Variants in RTTN observed in about 807,000 individuals in gnomAD.
RTTN encodes the protein rotatin.
A neutral mutation model predicts 269.2 loss-of-function variants in RTTN; 182 were observed. The ratio of observed to expected loss-of-function variants is 0.68; its 90% confidence interval spans 0.60 to 0.76. The LOEUF (loss-of-function observed/expected upper bound fraction) is 0.76, where lower values mean the gene tolerates loss of function less well. Among genes scored for constraint, RTTN ranks in the 30% least tolerant of loss-of-function variants. The probability of loss-of-function intolerance (pLI) is 0.00; values close to 1 mark genes in which losing one functional copy is unlikely to be tolerated. For missense variants in RTTN, 2,545 were observed against 2,608.6 expected, an observed-to-expected ratio of 0.98 and a Z score of 0.53; for synonymous variants, 1,006 against 963.5, an observed-to-expected ratio of 1.04 and a Z score of -0.82.
At chr18:70,127,279 T>C (rs1342867316) in intron 25 of RTTN, among the ~76,000 whole-genome samples, 4 of 152,194 alleles carry the variant, frequency 2.6e-5, no homozygotes, top group African/African-American at 9.6e-5. Context: ...TAAAATTTTC[T>C]AAGAATAAAT....
chr18:70,012,238 G>C (rs2056401961), intron 46 of RTTN, among the ~76,000 whole-genome samples: 1 of 150,058 alleles, frequency 6.7e-6, no homozygotes, highest in Admixed American at 6.6e-5. Flanking sequence ...ATTAGTTACA[G>C]CACAGTGTCT....
chr18:70,038,702 G>A (rs76033541), intron 40 of RTTN, among the ~76,000 whole-genome samples: 2,953 of 152,188 alleles, frequency 0.019, 94 homozygotes, highest in African/African-American at 0.066. Flanking sequence ...GATCATCCAG[G>A]AAAAAATGAC....
chr18:70,054,304 G>C lies in RTTN; in HGVS notation c.5032-20C>G, dbSNP rs200438852. On this transcript the variant is annotated intron_variant, in intron 37 of 48. Coordinates refer to ENST00000640769, the MANE Select transcript of RTTN (RefSeq NM_173630.4). ...GGAAACCTGTTTGAAAAGGAGACAG[G>C]GTCAAATCAAACATGCCATATAAAA... The C allele has an allele frequency of 1.9e-6, 3 of 1,584,324 alleles. No individual in the cohort carries two copies. Among genetic ancestry groups the C allele is most frequent in the Non-Finnish European group, 2.6e-6 (3 of 1,164,602 alleles).
intron 19 of RTTN, among the ~76,000 whole-genome samples, chr18:70,140,851 A>C (rs1350040049): frequency 6.6e-6 from 1 of 152,188 alleles, no homozygotes; most frequent in African/African-American, 2.4e-5. Context: ...GTAATTGATT[A>C]TATATTCGTT....
intron 11 of RTTN, among the ~76,000 whole-genome samples, chr18:70,172,825 TGATAG>T (rs2061177510): frequency 6.6e-6 from 1 of 152,308 alleles, no homozygotes; most frequent in Admixed American, 6.5e-5. Flanking sequence ...ATGATGCAAC[TGATAG>T]GATAAGTTTT....
At chr18:70,169,551 T>C (rs934340196) in intron 11 of RTTN, among the ~76,000 whole-genome samples, 1 of 152,212 alleles carries the variant, frequency 6.6e-6, no homozygotes, top group Non-Finnish European at 1.5e-5. Context: ...TAGCTATAGA[T>C]TGATTTGAAC....
intron 47 of RTTN, 125 bp downstream of exon 47, chr18:70,006,256 T>A: frequency 1.6e-6 from 1 of 639,442 alleles, no homozygotes; most frequent in Non-Finnish European, 2.8e-6. Context: ...GGAACATGGA[T>A]CTTTGATTTT....
chr18:70,159,258 A>G (rs778216186), intron 14 of RTTN, among the ~76,000 whole-genome samples: 15 of 152,202 alleles, frequency 9.9e-5, no homozygotes, highest in Non-Finnish European at 2.1e-4. Context: ...ACAGTGCAAT[A>G]AAAATAGAAA....
Position 70,003,496 on chromosome 18 carries a change from A to C in RTTN, c.*655T>G, listed in dbSNP as rs943833538. Reference sequence around the variant, plus strand: ...AAGATTATACATGTAATGATTTAAGAGTCATCTAGGAAGAAGATAACATCA... The same window carrying C: ...AAGATTATACATGTAATGATTTAAGCGTCATCTAGGAAGAAGATAACATCA... On this transcript the variant is annotated 3_prime_UTR_variant, in exon 49 of 49. Transcript: ENST00000640769. 1.3e-5 allele frequency: 2 copies of C among 152,216 alleles called. No homozygotes were observed. The highest frequency in any genetic ancestry group is 4.8e-5 in the African/African-American group (2 of 41,460). 9.4% of individuals were successfully genotyped at this position (152,216 alleles called of 1,614,324 possible). A position where few individuals can be genotyped will look rare whatever the true frequency, so the allele number is the denominator to read the frequency against.
chr18:70,074,465 T>C (rs1366045511), intron 33 of RTTN, among the ~76,000 whole-genome samples: 1 of 152,138 alleles, frequency 6.6e-6, no homozygotes, highest in Non-Finnish European at 1.5e-5. Context: ...AATCACACAT[T>C]CACACTTAAT....
chr18:70,130,185 G>C (rs959030350), intron 23 of RTTN: 1 of 152,006 alleles, frequency 6.6e-6, no homozygotes, highest in East Asian at 1.9e-4. Context: ...TAGTGGGAAT[G>C]TAAATTAGTA....
chr18:70,169,960 G>GA (rs2061094368), intron 11 of RTTN, among the ~76,000 whole-genome samples: 1 of 152,068 alleles, frequency 6.6e-6, no homozygotes, highest in Non-Finnish European at 1.5e-5. Flanking sequence ...TCTAAGAGCT[G>GA]AATCAGCTAA....
intron 32 of RTTN, among the ~76,000 whole-genome samples, chr18:70,085,202 A>G (rs951951216): frequency 6.6e-5 from 10 of 152,166 alleles, no homozygotes; most frequent in African/African-American, 2.4e-4. Flanking sequence ...ATAACTATTA[A>G]TCCTGCATAT....
At chr18:70,069,467 C>T (rs10513992) in intron 34 of RTTN, among the ~76,000 whole-genome samples, 1,780 of 152,188 alleles carry the variant, frequency 0.012, 20 homozygotes, top group Non-Finnish European at 0.019. Context: ...CTAAATTATG[C>T]TTCAGTGTAA....
intron 28 of RTTN, among the ~76,000 whole-genome samples, chr18:70,103,436 G>C (rs1370163951): frequency 6.6e-6 from 1 of 152,160 alleles, no homozygotes; most frequent in Non-Finnish European, 1.5e-5. Flanking sequence ...GCCTTGGGAT[G>C]CTGTTAATCT....
chr18:70,008,895 T>C (rs2145446265), intron 46 of RTTN: 1 of 151,988 alleles, frequency 6.6e-6, no homozygotes, highest in East Asian at 1.9e-4. Context: ...AACATTCAAA[T>C]TCAGGAAATA....
Position 70,029,897 on chromosome 18 carries a change from A to G in RTTN, c.5745+115T>C, listed in dbSNP as rs561930367. ...ATGTAGAAGTCTCATTAATTTATCC[A>G]TCTGTACCTTTCTTCTAAATGAGAC... On this transcript the variant is annotated intron_variant, in intron 42 of 48. Transcript: ENST00000640769. 4 of 720,824 alleles carry G rather than the reference A, an allele frequency of 5.5e-6. No individual in the cohort carries two copies. The East Asian group carries it at 1.0e-4, about 18-fold the overall frequency. The allele number at this position is 720,824 out of a possible 1,614,324, so 44.7% of individuals were successfully genotyped here.
chr18:70,047,024 G>C (rs2057510071), intron 40 of RTTN, among the ~76,000 whole-genome samples: 1 of 152,180 alleles, frequency 6.6e-6, no homozygotes, highest in African/African-American at 2.4e-5. Flanking sequence ...GCATGATCAT[G>C]ACTCTCACAG....
At chr18:70,077,497 T>A (rs1028336836) in intron 32 of RTTN, among the ~76,000 whole-genome samples, 2 of 151,980 alleles carry the variant, frequency 1.3e-5, no homozygotes, top group African/African-American at 4.8e-5. Context: ...ACCCACTGTC[T>A]TCTAAAATCT....
Sources: allele counts gnomAD v4.1 joint callset (sites outside exome capture counted in the v4.1 genomes callset), GRCh38; gene constraint gnomAD v4.1.1; transcripts MANE v1.5; gene names NCBI Gene and HGNC (gene_info 2026-07-23, HGNC 2026-07-21).